Variants in POTEC observed in about 807,000 individuals in gnomAD.
POTEC encodes the protein POTE ankyrin domain family member C, also known as ANKRD26-like family B member 2.
A neutral mutation model predicts 62.0 loss-of-function variants in POTEC; 35 were observed. That is an observed-to-expected ratio of 0.56 (90% CI 0.43 to 0.75). The LOEUF (loss-of-function observed/expected upper bound fraction) is 0.75, where lower values mean the gene tolerates loss of function less well. POTEC is among the 30% of genes least tolerant of loss of function. POTEC has a pLI of 0.00. For missense variants in POTEC, 472 were observed against 655.9 expected (o/e 0.72, Z 3.06); for synonymous variants, 156 against 221.5 (o/e 0.70, Z 2.62).
At chr18:14,512,108 A>G in intron 10 of POTEC, 115 bp from the exon 11 acceptor site, 1 of 822,878 alleles carries the variant, frequency 1.2e-6, no homozygotes, top group Non-Finnish European at 1.8e-6. Flanking sequence ...CCCATAGTGG[A>G]TATTTAACTG....
In POTEC at chr18:14,537,966, T is replaced by C. The variant is rs775347289; in HGVS notation, c.645A>G (p.Gln215=). The C allele has an allele frequency of 6.8e-6, 11 of 1,611,778 alleles. No homozygotes were observed. The East Asian group carries it at 1.3e-4, about 20-fold the overall frequency. The change falls in exon 3 of 11, where the codon CAA becomes CAG. Residue 215 remains glutamine, a synonymous_variant. Coordinates refer to ENST00000358970, the MANE Select transcript of POTEC (RefSeq NM_001137671.2). Reference sequence around the variant, plus strand: ...TTAACACACATTCATCTTCCTGGCATTGTACGGCCTGTCAGTATTAGACCA... The same window carrying C: ...TTAACACACATTCATCTTCCTGGCACTGTACGGCCTGTCAGTATTAGACCA... ...KKRTALIKAV[Q]CQEDECVLML...
intron 9 of POTEC, among the ~76,000 whole-genome samples, chr18:14,517,941 GAAT>G (rs1910209216): frequency 6.6e-6 from 1 of 152,032 alleles, no homozygotes; most frequent in Admixed American, 6.6e-5. Context: ...ACTAGTAAAA[GAAT>G]AAATAGTGAA....
chr18:14,521,380 C>T (rs932331864), intron 9 of POTEC, among the ~76,000 whole-genome samples: 3 of 152,168 alleles, frequency 2.0e-5, no homozygotes, highest in African/African-American at 7.2e-5. Context: ...TACTCTAGAT[C>T]TAACCTCATT....
At chr18:14,513,564 T>C (rs1910069902) in intron 10 of POTEC, 98 bp downstream of exon 10, 1 of 1,496,308 alleles carries the variant, frequency 6.7e-7, no homozygotes, top group Non-Finnish European at 9.0e-7. Context: ...CACACGTGTG[T>C]ATATATGTGA....
At position 14,533,144 on chromosome 18, in the gene POTEC, GAGA is replaced by G. The variant is rs746900536; in HGVS notation, c.969_971del (p.Leu325del). 1 of 1,611,438 alleles carries G rather than the reference GAGA, an allele frequency of 6.2e-7. No individual in the cohort carries two copies. The highest frequency in any genetic ancestry group is 8.5e-7 in the Non-Finnish European group (1 of 1,179,580). On this transcript the variant is annotated inframe_deletion, in exon 5 of 11. Transcript: ENST00000358970. ...AAGATACATCAACATTTTGCTCAAG[GAGA>G]AGATTGACTATACTTGCTGATCCAC...
intron 7 of POTEC, among the ~76,000 whole-genome samples, chr18:14,524,203 G>A (rs1391430309): frequency 2.0e-5 from 3 of 152,090 alleles, no homozygotes; most frequent in Admixed American, 1.3e-4. Flanking sequence ...ACTAAAATAA[G>A]GTAGAAGGTT....
At chr18:14,537,219 A>AAC (rs1281908630) in intron 3 of POTEC, among the ~76,000 whole-genome samples, 3 of 135,580 alleles carry the variant, frequency 2.2e-5, no homozygotes, top group East Asian at 5.5e-4. Context: ...ACAAAAAAAA[A>AAC]AAAAAACAAA....
At chr18:14,537,438 T>C (rs1422713076) in intron 3 of POTEC, among the ~76,000 whole-genome samples, 6 of 151,980 alleles carry the variant, frequency 3.9e-5, no homozygotes, top group Admixed American at 6.6e-5. Context: ...CACTGAAACA[T>C]GTTTAAGTTT....
intron 9 of POTEC, among the ~76,000 whole-genome samples, chr18:14,517,734 C>A (rs1348272661): frequency 6.6e-6 from 1 of 152,096 alleles, no homozygotes; most frequent in Non-Finnish European, 1.5e-5. Context: ...TGGTGGCATG[C>A]CCCCGTAATC....
At chr18:14,529,241 C>T (rs980818369) in intron 6 of POTEC, among the ~76,000 whole-genome samples, 11 of 152,148 alleles carry the variant, frequency 7.2e-5, no homozygotes, top group African/African-American at 2.6e-4. Flanking sequence ...ATGATAATAA[C>T]AAGCTCCTGT....
chr18:14,534,563 G>A (rs1306556111), intron 4 of POTEC, among the ~76,000 whole-genome samples: 5 of 151,466 alleles, frequency 3.3e-5, no homozygotes, highest in Non-Finnish European at 7.4e-5. Context: ...TACTAGAAAG[G>A]GTTAAGAAGT....
chr18:14,512,062 A>T (rs1279790752), intron 10 of POTEC, 69 bp from the exon 11 acceptor site: 20 of 1,236,558 alleles, frequency 1.6e-5, no homozygotes, highest in African/African-American at 3.0e-5. Flanking sequence ...TTCTAAAATT[A>T]AAGAATGACA....
At chr18:14,530,331 G>A (rs1905464584) in intron 6 of POTEC, among the ~76,000 whole-genome samples, 152 bp downstream of exon 6, 1 of 152,024 alleles carries the variant, frequency 6.6e-6, no homozygotes, top group African/African-American at 2.4e-5. Context: ...ATAATATAAA[G>A]TAGCACAATA....
intron 1 of POTEC, among the ~76,000 whole-genome samples, chr18:14,538,469 C>T (rs1905825010): frequency 1.3e-5 from 2 of 152,174 alleles, no homozygotes; most frequent in South Asian, 4.1e-4. Flanking sequence ...GGATGACATT[C>T]AACTTGGGCT....
intron 9 of POTEC, among the ~76,000 whole-genome samples, chr18:14,520,747 C>A (rs1910286282): frequency 6.6e-6 from 1 of 151,948 alleles, no homozygotes; most frequent in Admixed American, 6.6e-5. Flanking sequence ...TGGGCCAAAT[C>A]CAGCCCACTG....
At chr18:14,512,943 A>C (rs1337204129) in intron 10 of POTEC, among the ~76,000 whole-genome samples, 2 of 152,218 alleles carry the variant, frequency 1.3e-5, no homozygotes, top group Admixed American at 1.3e-4. Context: ...AATAAGATAT[A>C]ACTTACAAGG....
At chr18:14,529,045 C>A (rs528397965) in intron 6 of POTEC, 133 of 454,194 alleles carry the variant, frequency 2.9e-4, no homozygotes, top group African/African-American at 2.6e-3. Context: ...TGCTTCTTTA[C>A]CTAGAAAAAT....
chr18:14,524,035 A>G (rs1356920846), intron 7 of POTEC, among the ~76,000 whole-genome samples: 5 of 152,184 alleles, frequency 3.3e-5, no homozygotes, highest in Admixed American at 1.3e-4. Flanking sequence ...ACCAAACAGA[A>G]AGAAATGCAA....
chr18:14,524,460 C>T (rs563930552), intron 7 of POTEC, among the ~76,000 whole-genome samples: 1 of 152,244 alleles, frequency 6.6e-6, no homozygotes, highest in Admixed American at 6.5e-5. Flanking sequence ...TTCAGTGTTA[C>T]ATTGTTCATA....
Sources: gnomAD v4.1 joint callset for allele counts (sites outside exome capture counted in the v4.1 genomes callset) on GRCh38, gnomAD v4.1.1 for gene constraint, MANE v1.5 for transcripts, NCBI Gene and HGNC (gene_info 2026-07-23, HGNC 2026-07-21) for gene names.